Variants in UBR1 observed in about 807,000 individuals in gnomAD.
UBR1 encodes the protein ubiquitin protein ligase E3 component n-recognin 1.
A neutral mutation model predicts 242.1 loss-of-function variants in UBR1; 102 were observed. The observed-to-expected ratio is 0.42, with a 90% CI of 0.36 to 0.50. UBR1 has a LOEUF of 0.50. Ranked by LOEUF, UBR1 falls within the 20% of genes least tolerant of loss-of-function variation. UBR1 has a pLI of 0.01. For synonymous variants in UBR1, 675 were observed against 684.8 expected (o/e 0.99, Z 0.22); for missense variants, 1,772 against 2,101.8 (o/e 0.84, Z 3.07).
In UBR1 at chr15:43,039,997, G is replaced by A. The variant is rs552979967; in HGVS notation, c.1850-1765C>T. 3.3e-5 allele frequency among the ~76,000 whole-genome samples: 5 copies of A among 152,034 alleles called. No homozygotes were observed. In the East Asian group the frequency reaches 5.8e-4, roughly 18 times the overall value. ...GGATTACATTTATTGATTTGCATGC[G>A]TTGACTGTGAAAATGACCATGCTGC... On this transcript the variant is annotated intron_variant, in intron 15 of 46. Transcript: ENST00000290650.
At chr15:42,951,926 ATTTG>A (rs2031840861) in intron 45 of UBR1, among the ~76,000 whole-genome samples, 1 of 152,030 alleles carries the variant, frequency 6.6e-6, no homozygotes, top group African/African-American at 2.4e-5. Flanking sequence ...TGTACCTTTT[ATTTG>A]TTTATTTTTA....
chr15:43,043,375 A>G lies in UBR1; in HGVS notation c.1689T>C (p.Ala563=), dbSNP rs755669953. The G allele has an allele frequency of 5.0e-6, 8 of 1,613,904 alleles. No homozygotes were observed. The African/African-American group carries it at 9.3e-5, about 19-fold the overall frequency. Residue 563 remains alanine, a synonymous_variant, in exon 15 of 47, where the codon GCT becomes GCC. Transcript: ENST00000290650. The stretch of plus-strand genomic sequence containing the variant: ...TCACAGCTTTGTGACATTCTTTATA[A>G]GCCACAAGTAAGAGTTCTTCCTAAG... ...CACDEELLLV[A]YKECHKAVMR...
At chr15:43,062,802 G>A (rs1259468104) in intron 6 of UBR1, among the ~76,000 whole-genome samples, 1 of 151,956 alleles carries the variant, frequency 6.6e-6, no homozygotes, top group African/African-American at 2.4e-5. Context: ...ATCAACTGAA[G>A]GGAGGCAGTG....
chr15:43,024,198 T>C lies in UBR1; in HGVS notation c.2739+631A>G, dbSNP rs1157496312. ...GTATTTATCAGTGTTATAATAAAAATTGAGGCACACATATGGCAATGACAG... is the reference window on the plus strand; with the variant it reads ...GTATTTATCAGTGTTATAATAAAAACTGAGGCACACATATGGCAATGACAG... On this transcript the variant is annotated intron_variant, in intron 25 of 46. Transcript: ENST00000290650. 3.3e-5 allele frequency among the ~76,000 whole-genome samples: 5 copies of C among 152,186 alleles called. No homozygotes were observed. The East Asian group carries it at 7.7e-4, about 23-fold the overall frequency.
intron 10 of UBR1, among the ~76,000 whole-genome samples, chr15:43,056,720 A>C (rs1378166064): frequency 6.6e-6 from 1 of 152,212 alleles, no homozygotes; most frequent in African/African-American, 2.4e-5. Flanking sequence ...ACAAACAAAC[A>C]AAAAACAGAG....
intron 23 of UBR1, 97 bp downstream of exon 23, chr15:43,026,464 A>G (rs1250577623): frequency 1.1e-6 from 1 of 930,328 alleles, no homozygotes; most frequent in Non-Finnish European, 1.7e-6. Flanking sequence ...ATTAATAAGA[A>G]CCAGCGTGAA....
At chr15:43,013,855 TCTC>T (rs2032963096) in intron 29 of UBR1, among the ~76,000 whole-genome samples, 1 of 152,296 alleles carries the variant, frequency 6.6e-6, no homozygotes, top group East Asian at 1.9e-4. Flanking sequence ...TGAGTTGGCC[TCTC>T]CTCCTCCCCT....
intron 27 of UBR1, 68 bp from the exon 28 acceptor site, chr15:43,017,249 T>G: frequency 9.2e-7 from 1 of 1,084,294 alleles, no homozygotes; most frequent in Non-Finnish European, 1.4e-6. Flanking sequence ...ACAGAAACAT[T>G]CACTAATCTG....
chr15:42,964,245 G>A (rs887688983), intron 41 of UBR1, among the ~76,000 whole-genome samples: 2 of 152,046 alleles, frequency 1.3e-5, no homozygotes, highest in Non-Finnish European at 2.9e-5. Context: ...CGAGGCGGGC[G>A]GATCACCTGA....
At chr15:42,947,801 A>G (rs1399936199) in intron 46 of UBR1, among the ~76,000 whole-genome samples, 2 of 152,346 alleles carry the variant, frequency 1.3e-5, no homozygotes, top group South Asian at 2.1e-4. Flanking sequence ...AAACAAATGG[A>G]AGAACATTCC....
rs147998169 is a variant in UBR1 at position 43,059,456 on chromosome 15, GA to G, written c.985+245del. On this transcript the variant is annotated intron_variant, in intron 8 of 46. Transcript: ENST00000290650. ...TTAATCCTCCCACATTTGAGGCAAA[GA>G]ATAATTCTGTCAACATCAAAGACTC... 5.8e-3 allele frequency among the ~76,000 whole-genome samples: 888 copies of G among 151,932 alleles called. 5 individuals are homozygous for G. Among genetic ancestry groups the G allele is most frequent in the Non-Finnish European group, 9.7e-3 (658 of 67,970 alleles).
intron 6 of UBR1, among the ~76,000 whole-genome samples, chr15:43,063,485 T>C (rs532186764): frequency 1.3e-5 from 2 of 152,064 alleles, no homozygotes; most frequent in Non-Finnish European, 2.9e-5. Flanking sequence ...TCTGCAATAT[T>C]AACCTTGTAC....
chr15:42,988,040 G>T (rs2032501100), intron 35 of UBR1, among the ~76,000 whole-genome samples: 1 of 152,050 alleles, frequency 6.6e-6, no homozygotes, highest in Non-Finnish European at 1.5e-5. Context: ...TTGATAGTAG[G>T]CTTCCCTTTA....
rs201914939 is a variant in UBR1 at position 42,976,700 on chromosome 15, C to A, written c.4369+17G>T. The A allele has an allele frequency of 6.2e-7, 1 of 1,613,738 alleles. No homozygotes were observed. On this transcript the variant is annotated intron_variant, in intron 39 of 46. Coordinates refer to ENST00000290650, the MANE Select transcript of UBR1 (RefSeq NM_174916.3). The stretch of plus-strand genomic sequence containing the variant: ...GCAAAATGTTATTCACAGTCAACAC[C>A]CAGATGAAAACCTTACCTGTGTCTA...
intron 44 of UBR1, among the ~76,000 whole-genome samples, chr15:42,956,672 C>T (rs1396275604): frequency 6.6e-6 from 1 of 152,202 alleles, no homozygotes; most frequent in Non-Finnish European, 1.5e-5. Flanking sequence ...ATGCTTGCAG[C>T]ATCCAGGGGA....
At position 42,988,822 on chromosome 15, in the gene UBR1, T is replaced by C. The variant is rs1336396878; in HGVS notation, c.3994A>G (p.Ile1332Val). The change falls in exon 35 of 47, where the codon ATT becomes GTT. Residue 1332 changes from isoleucine (I) to valine (V), a missense_variant. Around this residue, in one of 3 missense-constraint regions of UBR1, gnomAD observed 965 missense variants for 1,079.7 expected, o/e 0.89. Transcript: ENST00000290650. ...WSTCAFTIQA[I>V]ENLLGDEGKP... ...CCAGTTTTCTTATGAGCTTTACCAA[T>C]TGCCTGGATAGTGAAAGCGCAGGTG... 4 of 1,614,080 alleles carry C rather than the reference T, an allele frequency of 2.5e-6. No homozygotes were observed. The highest frequency in any genetic ancestry group is 2.2e-5 in the East Asian group (1 of 44,890).
intron 11 of UBR1, 95 bp downstream of exon 11, chr15:43,056,249 A>T: frequency 9.9e-7 from 1 of 1,006,856 alleles, no homozygotes; most frequent in Non-Finnish European, 1.6e-6. Flanking sequence ...TAGTGATTCT[A>T]ACATTGTTCT....
intron 13 of UBR1, among the ~76,000 whole-genome samples, chr15:43,047,830 T>C (rs759128147): frequency 6.6e-6 from 1 of 152,174 alleles, no homozygotes; most frequent in African/African-American, 2.4e-5. Context: ...CTTAATAAGA[T>C]TGCTATAAGG....
At chr15:42,978,112 GA>G in intron 37 of UBR1, among the ~76,000 whole-genome samples, 165 bp from the exon 38 acceptor site, 1 of 152,240 alleles carries the variant, frequency 6.6e-6, no homozygotes, top group Middle Eastern at 3.4e-3. Context: ...GAGACAAACT[GA>G]ACTGAGAAAA....
Sources: gnomAD v4.1 joint callset for allele counts (sites outside exome capture counted in the v4.1 genomes callset) on GRCh38, gnomAD v4.1.1 for gene constraint, gnomAD v4.1.1 regional missense constraint, MANE v1.5 for transcripts, NCBI Gene and HGNC (gene_info 2026-07-23, HGNC 2026-07-21) for gene names.